The following KMT2C variants were observed in gnomAD, a reference collection of about 807,000 sequenced individuals.
KMT2C encodes lysine methyltransferase 2C.
Under a neutral mutation model 507.9 loss-of-function variants are expected in KMT2C, and 88 were observed. That is an observed-to-expected ratio of 0.17 (90% CI 0.15 to 0.21). The LOEUF is 0.21. Ranked by LOEUF, KMT2C falls within the 10% of genes least tolerant of loss-of-function variation. KMT2C has a pLI of 1.00. For missense variants in KMT2C, 4,954 were observed against 5,957.8 expected, an observed-to-expected ratio of 0.83 and a Z score of 5.55; for synonymous variants, 2,049 against 2,080.8, an observed-to-expected ratio of 0.98 and a Z score of 0.42.
chr7:152,381,743 T>G (rs1303327436), intron 1 of KMT2C, among the ~76,000 whole-genome samples: 1 of 152,252 alleles, frequency 6.6e-6, no homozygotes, highest in African/African-American at 2.4e-5. Context: ...GTCTTCTCCT[T>G]CTGACACTGA....
chr7:152,372,438 G>A (rs907344509), intron 1 of KMT2C, among the ~76,000 whole-genome samples: 2 of 152,128 alleles, frequency 1.3e-5, no homozygotes, highest in African/African-American at 4.8e-5. Flanking sequence ...ATACAAGCGT[G>A]AGCCACTGCA....
At chr7:152,156,153 C>G (rs2129099739) in intron 45 of KMT2C, 52 bp downstream of exon 45, 1 of 1,603,498 alleles carries the variant, frequency 6.2e-7, no homozygotes, top group South Asian at 1.1e-5. Flanking sequence ...CAATACACAA[C>G]TGGCAGAGGC....
intron 1 of KMT2C, among the ~76,000 whole-genome samples, chr7:152,409,185 T>A (rs2097654649): frequency 1.3e-5 from 2 of 151,960 alleles, no homozygotes; most frequent in African/African-American, 4.8e-5. Context: ...TTTTGTATTT[T>A]TTTTAGGGTC....
At chr7:152,306,511 T>C (rs556907631) in intron 6 of KMT2C, among the ~76,000 whole-genome samples, 2 of 152,214 alleles carry the variant, frequency 1.3e-5, no homozygotes, top group South Asian at 4.1e-4. Flanking sequence ...ATTCAAACCT[T>C]CTCCTCTGTG....
intron 23 of KMT2C, among the ~76,000 whole-genome samples, chr7:152,215,867 T>C (rs878996759): frequency 6.6e-6 from 1 of 152,178 alleles, no homozygotes; most frequent in South Asian, 2.1e-4. Flanking sequence ...CTGTTTACCT[T>C]TTAATTATTT....
intron 14 of KMT2C, among the ~76,000 whole-genome samples, chr7:152,243,802 TA>T (rs1015566807): frequency 1.3e-5 from 2 of 151,794 alleles, no homozygotes; most frequent in African/African-American, 4.8e-5. Context: ...GATAAATAAG[TA>T]AAAATAAAAT....
At position 152,435,831 on chromosome 7, in the gene KMT2C, G is replaced by A; in HGVS notation, c.-45C>T. On this transcript the variant is annotated 5_prime_UTR_variant, in exon 1 of 59. Coordinates refer to ENST00000262189, the MANE Select transcript of KMT2C (RefSeq NM_170606.3). ...ACATGGATCCCGGTCCTCCTCCTGG[G>A]GGGCTCCCGCCGCCGCGGCCGCCGC... The A allele has an allele frequency of 1.5e-6, 2 of 1,377,132 alleles. No individual in the cohort carries two copies. The highest frequency in any genetic ancestry group is 1.7e-5 in the South Asian group (1 of 60,202). 85.3% of individuals were successfully genotyped at this position (1,377,132 alleles called of 1,614,324 possible).
intron 25 of KMT2C, among the ~76,000 whole-genome samples, chr7:152,204,809 T>C (rs1312813670): frequency 1.3e-5 from 2 of 151,918 alleles, no homozygotes; most frequent in African/African-American, 4.8e-5. Flanking sequence ...ATATAGAAAA[T>C]ATATTTAATA....
At chr7:152,194,842 C>T (rs1480441935) in intron 28 of KMT2C, among the ~76,000 whole-genome samples, 1 of 141,688 alleles carries the variant, frequency 7.1e-6, no homozygotes, top group Admixed American at 6.7e-5. Flanking sequence ...CTTGCCAACT[C>T]CTGCCAAAAA....
At chr7:152,356,658 A>C (rs958461756) in intron 2 of KMT2C, among the ~76,000 whole-genome samples, 1 of 151,528 alleles carries the variant, frequency 6.6e-6, no homozygotes, top group African/African-American at 2.4e-5. Flanking sequence ...TGGGAGGGCA[A>C]GGCAGGTGGA....
intron 10 of KMT2C, 82 bp from the exon 11 acceptor site, chr7:152,252,172 G>A (rs1187947712): frequency 3.0e-6 from 3 of 1,013,954 alleles, no homozygotes; most frequent in Non-Finnish European, 4.2e-6. Flanking sequence ...CTGAAAAGCT[G>A]GATATGAAAA....
intron 1 of KMT2C, among the ~76,000 whole-genome samples, chr7:152,393,700 C>T (rs2097518720): frequency 6.6e-6 from 1 of 152,228 alleles, no homozygotes. Flanking sequence ...GATCACCTGC[C>T]TGACCAATAG....
At chr7:152,231,495 A>AAT (rs1371756201) in intron 16 of KMT2C, among the ~76,000 whole-genome samples, 1 of 152,304 alleles carries the variant, frequency 6.6e-6, no homozygotes, top group Non-Finnish European at 1.5e-5. Flanking sequence ...AAAGAAGATT[A>AAT]ACCAGCTGGG....
intron 2 of KMT2C, among the ~76,000 whole-genome samples, chr7:152,357,488 C>T (rs529294785): frequency 2.6e-5 from 4 of 152,092 alleles, no homozygotes; most frequent in East Asian, 3.9e-4. Flanking sequence ...GCTGAGATCA[C>T]GCCACTGCAC....
intron 1 of KMT2C, among the ~76,000 whole-genome samples, chr7:152,361,870 T>G (rs1442474637): frequency 6.6e-6 from 1 of 152,186 alleles, no homozygotes; most frequent in Non-Finnish European, 1.5e-5. Context: ...ATTAGAGAGA[T>G]ATTAACATCC....
chr7:152,282,603 C>G (rs1588884476), intron 6 of KMT2C, among the ~76,000 whole-genome samples: 1 of 151,928 alleles, frequency 6.6e-6, no homozygotes, highest in Non-Finnish European at 1.5e-5. Context: ...ATACAAAGTA[C>G]AAAGCCAATT....
At position 152,314,527 on chromosome 7, in the gene KMT2C, C is replaced by CA. The variant is rs921851442; in HGVS notation, c.590+610dup. 8.1e-4 allele frequency among the ~76,000 whole-genome samples: 59 copies of CA among 72,852 alleles called. No individual in the cohort carries two copies. In the Middle Eastern group the frequency reaches 0.021, roughly 26 times the overall value. 47.8% of individuals were successfully genotyped at this position (72,852 alleles called of 152,430 possible). ...GAATACAGACATACACACATCATTA[C>CA]AAAAAAAAAATTCCTTAAAAAAGAA... On this transcript the variant is annotated intron_variant, in intron 4 of 58. Coordinates refer to ENST00000262189, the MANE Select transcript of KMT2C (RefSeq NM_170606.3).
At chr7:152,161,802 C>T (rs551322772) in intron 43 of KMT2C, among the ~76,000 whole-genome samples, 17 of 152,300 alleles carry the variant, frequency 1.1e-4, no homozygotes, top group Non-Finnish European at 1.8e-4. Flanking sequence ...CAATAAAGTA[C>T]ATAGACATTT....
In KMT2C at chr7:152,364,609, CAA is replaced by C. The variant is rs568794506; in HGVS notation, c.162-5936_162-5935del. 6.6e-4 allele frequency among the ~76,000 whole-genome samples: 60 copies of C among 90,802 alleles called. 3 individuals carry two copies. Among genetic ancestry groups the C allele is most frequent in the African/African-American group, 2.8e-3 (57 of 20,600 alleles). 59.6% of individuals were successfully genotyped at this position (90,802 alleles called of 152,430 possible). Reference sequence around the variant, plus strand: ...GGGTGACAGAGCGAGACTCCGTCTCCAAAAAAAAAAAGAAAAGAAAAAAAGAA... The same window carrying C: ...GGGTGACAGAGCGAGACTCCGTCTCCAAAAAAAAAGAAAAGAAAAAAAGAA... On this transcript the variant is annotated intron_variant, in intron 1 of 58. Coordinates refer to ENST00000262189, the MANE Select transcript of KMT2C (RefSeq NM_170606.3).
Sources: gnomAD v4.1 joint callset for allele counts (sites outside exome capture counted in the v4.1 genomes callset) on GRCh38, gnomAD v4.1.1 for gene constraint, MANE v1.5 for transcripts, NCBI Gene and HGNC (gene_info 2026-07-23, HGNC 2026-07-21) for gene names.